The following MSTO1 variants were observed in gnomAD, a reference collection of about 807,000 sequenced individuals.
The protein encoded by MSTO1 is protein misato homolog 1.
Under a neutral mutation model 55.7 loss-of-function variants are expected in MSTO1, and 24 were observed. That is an observed-to-expected ratio of 0.43 (90% CI 0.31 to 0.61). The LOEUF (loss-of-function observed/expected upper bound fraction) is 0.61, where lower values mean the gene tolerates loss of function less well. Among genes scored for constraint, MSTO1 ranks in the 20% least tolerant of loss-of-function variants. MSTO1 has a pLI of 0.09. For missense variants in MSTO1, 363 were observed against 625.7 expected (o/e 0.58, Z 4.48); for synonymous variants, 162 against 252.8 (o/e 0.64, Z 3.41).
chr1:155,584,910 T>G, the MSTO1 span, among the ~76,000 whole-genome samples: 456 of 144,200 alleles, frequency 3.2e-3, no homozygotes, highest in East Asian at 0.016. Flanking sequence ...CAGGTTTTTT[T>G]TTTTGTTTTG....
chr1:155,571,614 G>A, the MSTO1 span, among the ~76,000 whole-genome samples: 1 of 152,156 alleles, frequency 6.6e-6, no homozygotes, highest in Admixed American at 6.6e-5. Context: ...GTGATAATCA[G>A]TAAATTTCAG....
In MSTO1 at chr1:155,613,224, G is replaced by A; in HGVS notation, c.1274G>A (p.Cys425Tyr). 6.2e-7 allele frequency: 1 copy of A among 1,613,488 alleles called. No homozygotes were observed. The highest frequency in any genetic ancestry group is 1.3e-5 in the African/African-American group (1 of 74,976). Residue 425 changes from cysteine (C) to tyrosine (Y), a missense_variant, in exon 11 of 14, where the codon TGC (cysteine) becomes TAC (tyrosine). This residue lies in a region of MSTO1 where 231 missense variants were observed against 286.9 expected (regional missense o/e 0.81). Coordinates refer to ENST00000245564, the MANE Select transcript of MSTO1 (RefSeq NM_018116.4). ...SVVLRGIDRACHTSQLTPGTP... is the reference protein window; with the variant it reads ...SVVLRGIDRAYHTSQLTPGTP... ...GTGCTGAGGGGTATAGACAGAGCAT[G>A]CCACACAAGGTGAGAGCTGTTGGTC...
intron 9 of MSTO1, 131 bp from the exon 10 acceptor site, chr1:155,612,713 C>T (rs1274117311): frequency 1.4e-6 from 2 of 1,408,842 alleles, no homozygotes; most frequent in East Asian, 4.6e-5. Context: ...TCACACTGTC[C>T]TATGCTTGTC....
chr1:155,608,197 C>G (rs1437428998), upstream of MSTO1, among the ~76,000 whole-genome samples: 1 of 152,082 alleles, frequency 6.6e-6, no homozygotes, highest in African/African-American at 2.4e-5. Flanking sequence ...ACAGGGTCTC[C>G]CTCTGTCTCT....
the MSTO1 span, chr1:155,602,001 A>T: frequency 2.2e-6 from 1 of 447,676 alleles, no homozygotes; most frequent in Non-Finnish European, 4.4e-6. Context: ...TGATCCGCCC[A>T]CCTCAGCCTC....
the MSTO1 span, chr1:155,591,013 C>T: frequency 1.9e-6 from 3 of 1,613,936 alleles, no homozygotes; most frequent in South Asian, 1.1e-5. Context: ...GGTGATGACA[C>T]AGACGGCACG....
the MSTO1 span, among the ~76,000 whole-genome samples, chr1:155,578,404 T>C: frequency 7.8e-6 from 1 of 128,298 alleles, no homozygotes; most frequent in Non-Finnish European, 1.6e-5. Context: ...TGGCGTGCAG[T>C]CTTGGCTCAC....
chr1:155,570,868 G>A, the MSTO1 span, among the ~76,000 whole-genome samples: 2 of 152,122 alleles, frequency 1.3e-5, no homozygotes, highest in African/African-American at 4.8e-5. Flanking sequence ...GAGGATAAGG[G>A]TGGACTACTG....
At chr1:155,581,857 G>A in the MSTO1 span, among the ~76,000 whole-genome samples, 17 of 150,970 alleles carry the variant, frequency 1.1e-4, no homozygotes, top group East Asian at 5.8e-4. Flanking sequence ...GCAGTGGCGC[G>A]ATCTTGGCTC....
At chr1:155,583,207 A>T in the MSTO1 span, among the ~76,000 whole-genome samples, 1 of 149,730 alleles carries the variant, frequency 6.7e-6, no homozygotes. Flanking sequence ...TGTTATTCCC[A>T]TATAGAAGGT....
chr1:155,614,940 T>G lies in MSTO1; in HGVS notation c.*667T>G. On this transcript the variant is annotated 3_prime_UTR_variant, in exon 14 of 14. Transcript: ENST00000245564. ...TTAACATTTATGAAGCACTATATATTGATTTGCAAAATCTTTTGTTTATTC... is the reference window on the plus strand; with the variant it reads ...TTAACATTTATGAAGCACTATATATGGATTTGCAAAATCTTTTGTTTATTC... The G allele has an allele frequency of 8.9e-7, 1 of 1,123,360 alleles. No homozygotes were observed. Among genetic ancestry groups the G allele is most frequent in the East Asian group, 2.6e-5 (1 of 38,892 alleles). 69.6% of individuals were successfully genotyped at this position (1,123,360 alleles called of 1,614,324 possible). A position where few individuals can be genotyped will look rare whatever the true frequency, so the allele number is the denominator to read the frequency against.
the MSTO1 span, among the ~76,000 whole-genome samples, chr1:155,572,989 T>C: frequency 6.6e-6 from 1 of 152,286 alleles, no homozygotes; most frequent in African/African-American, 2.4e-5. Flanking sequence ...AATTCCATTA[T>C]TGGTATGTCC....
At chr1:155,591,932 C>T in the MSTO1 span, among the ~76,000 whole-genome samples, 5 of 152,124 alleles carry the variant, frequency 3.3e-5, no homozygotes, top group Admixed American at 6.6e-5. Context: ...AGCAAGACCC[C>T]ACCCTATGTC....
the MSTO1 span, among the ~76,000 whole-genome samples, chr1:155,583,596 A>T: frequency 6.6e-6 from 1 of 152,126 alleles, no homozygotes; most frequent in African/African-American, 2.4e-5. Flanking sequence ...CAGTGGAGAA[A>T]ATGTTTAAGT....
At chr1:155,586,056 CTG>C in the MSTO1 span, among the ~76,000 whole-genome samples, 1 of 152,146 alleles carries the variant, frequency 6.6e-6, no homozygotes, top group African/African-American at 2.4e-5. Context: ...CATTCTATGA[CTG>C]TATCTATCCA....
the MSTO1 span, chr1:155,563,628 G>C: frequency 4.4e-6 from 2 of 455,474 alleles, no homozygotes; most frequent in Non-Finnish European, 8.8e-6. Context: ...AGACAGCCTG[G>C]TGATGGAGGA....
chr1:155,573,165 C>A, the MSTO1 span, among the ~76,000 whole-genome samples: 1,811 of 152,182 alleles, frequency 0.012, 105 homozygotes, highest in Admixed American at 0.087. Flanking sequence ...CTCTTGGCTG[C>A]ACATTGGAAT....
the MSTO1 span, among the ~76,000 whole-genome samples, chr1:155,574,998 C>G: frequency 6.6e-6 from 1 of 151,666 alleles, no homozygotes; most frequent in African/African-American, 2.4e-5. Flanking sequence ...TCCCGATTAG[C>G]TGGGATTACA....
At chr1:155,586,547 G>T in the MSTO1 span, 1 of 291,836 alleles carries the variant, frequency 3.4e-6, no homozygotes, top group Non-Finnish European at 6.8e-6. Flanking sequence ...ATATGTTCTA[G>T]ATATTACTCC....
Sources: gnomAD v4.1 joint callset for allele counts (sites outside exome capture counted in the v4.1 genomes callset) on GRCh38, gnomAD v4.1.1 for gene constraint, gnomAD v4.1.1 regional missense constraint, MANE v1.5 for transcripts, NCBI Gene and HGNC (gene_info 2026-07-23, HGNC 2026-07-21) for gene names.